ERBIN: variants seen among roughly 807,000 people sequenced by gnomAD.
ERBIN encodes the protein densin-180-like protein.
A neutral mutation model predicts 158.4 loss-of-function variants in ERBIN; 60 were observed. That is an observed-to-expected ratio of 0.38 (90% CI 0.31 to 0.47). The LOEUF (loss-of-function observed/expected upper bound fraction) is 0.47, where lower values mean the gene tolerates loss of function less well. Among genes scored for constraint, ERBIN ranks in the 20% least tolerant of loss-of-function variants. The pLI, the probability that ERBIN is intolerant of heterozygous loss-of-function variation, is 0.99. For synonymous variants in ERBIN, 594 were observed against 557.2 expected, an observed-to-expected ratio of 1.07 and a Z score of -0.93; for missense variants, 1,610 against 1,648.0, an observed-to-expected ratio of 0.98 and a Z score of 0.40.
chr5:66,009,987 AG>A (rs925630037), intron 4 of ERBIN, among the ~76,000 whole-genome samples: 9 of 152,242 alleles, frequency 5.9e-5, no homozygotes, highest in African/African-American at 2.2e-4. Context: ...TTCTGTGTTT[AG>A]CATTTTGAAC....
chr5:65,993,034 G>A (rs1264343337), intron 3 of ERBIN, 127 bp downstream of exon 3: 36 of 667,412 alleles, frequency 5.4e-5, no homozygotes, highest in Admixed American at 2.1e-4. Context: ...TAATTGTATC[G>A]TAGAGTATGC....
intron 6 of ERBIN, among the ~76,000 whole-genome samples, chr5:66,014,077 T>G (rs1754476740): frequency 6.6e-6 from 1 of 152,192 alleles, no homozygotes; most frequent in Non-Finnish European, 1.5e-5. Flanking sequence ...CAGATGAATG[T>G]ATAATAGATA....
intron 1 of ERBIN, among the ~76,000 whole-genome samples, chr5:65,940,349 G>C (rs1469410812): frequency 7.0e-6 from 1 of 143,542 alleles, no homozygotes; most frequent in Non-Finnish European, 1.5e-5. Flanking sequence ...CCCTCCGCCC[G>C]GCAGCCACCC....
intron 1 of ERBIN, among the ~76,000 whole-genome samples, chr5:65,938,294 G>A (rs73762514): frequency 0.04 from 6,088 of 151,756 alleles, 414 homozygotes; most frequent in African/African-American, 0.14. Context: ...GACTTTTGAA[G>A]AATTGCTTTT....
chr5:65,952,139 A>C (rs985944645), intron 1 of ERBIN, among the ~76,000 whole-genome samples: 1 of 152,200 alleles, frequency 6.6e-6, no homozygotes, highest in African/African-American at 2.4e-5. Context: ...GTCAGAAAAC[A>C]CAGGATACTC....
At chr5:65,990,440 A>G (rs168764) in intron 2 of ERBIN, among the ~76,000 whole-genome samples, 127,926 of 151,564 alleles carry the variant, frequency 0.84, 54,571 homozygotes, top group African/African-American at 0.91. Flanking sequence ...AGGCCAAGAC[A>G]GGCGGATCAT....
chr5:66,015,374 G>C (rs1484908280), intron 7 of ERBIN, among the ~76,000 whole-genome samples: 1 of 26,406 alleles, frequency 3.8e-5, no homozygotes, highest in African/African-American at 1.8e-4. Context: ...CTGGCCCACT[G>C]TCAATTTTTG....
chr5:66,038,603 C>G, intron 15 of ERBIN, 121 bp downstream of exon 15: 1 of 637,354 alleles, frequency 1.6e-6, no homozygotes, highest in South Asian at 2.7e-5. Flanking sequence ...TTGACCAAAA[C>G]AGTTTGTTTC....
Position 66,032,161 on chromosome 5 carries a change from G to GA in ERBIN, c.1206+3822dup, listed in dbSNP as rs1315490590. 2.6e-5 allele frequency among the ~76,000 whole-genome samples: 4 copies of GA among 151,530 alleles called. 1 individual carries two copies. The highest frequency in any genetic ancestry group is 5.9e-5 in the Non-Finnish European group (4 of 68,044). ...GTGTAACAGTGAGACGGAAAAGGTA[G>GA]AAAACGAGGCTACTAAGGCAGATAG... On this transcript the variant is annotated intron_variant, in intron 14 of 25. Transcript: ENST00000284037.
chr5:65,940,487 C>G (rs1166367253), intron 1 of ERBIN, among the ~76,000 whole-genome samples: 1 of 129,034 alleles, frequency 7.7e-6, no homozygotes, highest in Non-Finnish European at 1.7e-5. Flanking sequence ...CCCCCCCCCC[C>G]CGGCCAGCCG....
chr5:65,933,197 T>G (rs1283998301), intron 1 of ERBIN, among the ~76,000 whole-genome samples: 1 of 152,244 alleles, frequency 6.6e-6, no homozygotes, highest in African/African-American at 2.4e-5. Context: ...TACAGAAAAT[T>G]TGATCTTACT....
chr5:65,942,612 C>T (rs1732438920), intron 1 of ERBIN, among the ~76,000 whole-genome samples: 1 of 152,178 alleles, frequency 6.6e-6, no homozygotes, highest in Non-Finnish European at 1.5e-5. Flanking sequence ...TGTAATTCTT[C>T]ATGATCTCAA....
At chr5:66,059,718 A>G (rs1561441221) in intron 21 of ERBIN, among the ~76,000 whole-genome samples, 1 of 152,136 alleles carries the variant, frequency 6.6e-6, no homozygotes, top group East Asian at 1.9e-4. Context: ...TCCCATCAGT[A>G]CCTAATTTAT....
intron 1 of ERBIN, among the ~76,000 whole-genome samples, chr5:65,985,820 C>A (rs935443787): frequency 2.6e-5 from 4 of 152,152 alleles, no homozygotes; most frequent in African/African-American, 9.7e-5. Flanking sequence ...TAGTGTTTTG[C>A]CCCACCAACC....
Position 66,081,730 on chromosome 5 carries a change from A to G in ERBIN, c.*3200A>G, listed in dbSNP as rs895440709. 1.3e-5 allele frequency: 2 copies of G among 152,196 alleles called. No individual in the cohort carries two copies. Among genetic ancestry groups the G allele is most frequent in the East Asian group, 1.9e-4 (1 of 5,184 alleles). The allele number at this position is 152,196 out of a possible 1,614,324, so 9.4% of individuals were successfully genotyped here. On this transcript the variant is annotated 3_prime_UTR_variant, in exon 26 of 26. Coordinates refer to ENST00000284037, the MANE Select transcript of ERBIN (RefSeq NM_001253697.2). ...GATGGGAAATGTTTCTCTGATGGAG[A>G]TTGACGTGTGAAATCTATTTGGAAG...
Position 65,948,765 on chromosome 5 carries a change from T to TTTG in ERBIN, c.-58+21961_-58+21962insGTT, listed in dbSNP as rs1458745981. Among the ~76,000 whole-genome samples, 162 of 139,680 alleles carry TTTG rather than the reference T, an allele frequency of 1.2e-3. 1 individual carries two copies. The highest frequency in any genetic ancestry group is 2.1e-3 in the Non-Finnish European group (134 of 64,482). 91.6% of individuals were successfully genotyped at this position (139,680 alleles called of 152,430 possible). A position where few individuals can be genotyped will look rare whatever the true frequency, so the allele number is the denominator to read the frequency against. ...ACATACTGGAGTTCTGTTTTGCGTT[T>TTTG]TTTTTTTTTTTTTTTTGAGACAGAG... On this transcript the variant is annotated intron_variant, in intron 1 of 25. Transcript: ENST00000284037.
chr5:66,045,266 A>G (rs1161398919), intron 17 of ERBIN, among the ~76,000 whole-genome samples: 2 of 152,108 alleles, frequency 1.3e-5, no homozygotes, highest in Non-Finnish European at 2.9e-5. Flanking sequence ...CTATTGCCTA[A>G]TGATGTCATA....
intron 1 of ERBIN, among the ~76,000 whole-genome samples, chr5:65,977,633 T>C (rs1456945586): frequency 7.1e-6 from 1 of 141,356 alleles, no homozygotes; most frequent in Non-Finnish European, 1.5e-5. Flanking sequence ...ACTTCCTAGA[T>C]GGGATGGTGG....
At chr5:65,964,749 T>TTC (rs1332604693) in intron 1 of ERBIN, among the ~76,000 whole-genome samples, 1 of 147,260 alleles carries the variant, frequency 6.8e-6, no homozygotes, top group African/African-American at 2.5e-5. Context: ...ATCTTTTTTT[T>TTC]TTTTTTTTTT....
Sources: allele counts gnomAD v4.1 joint callset (sites outside exome capture counted in the v4.1 genomes callset), GRCh38; gene constraint gnomAD v4.1.1; transcripts MANE v1.5; gene names NCBI Gene and HGNC (gene_info 2026-07-23, HGNC 2026-07-21).